SNCAIP: variants seen among roughly 807,000 people sequenced by gnomAD.
SNCAIP encodes synuclein alpha interacting protein, also known as synphilin-1.
In SNCAIP, 43 loss-of-function variants were observed where a neutral mutation model predicts 86.7. That is an observed-to-expected ratio of 0.50 (90% CI 0.39 to 0.64). The LOEUF (loss-of-function observed/expected upper bound fraction) is 0.64. Ranked by LOEUF, SNCAIP falls within the 30% of genes least tolerant of loss-of-function variation. SNCAIP has a pLI of 0.00. For missense variants in SNCAIP, 981 were observed against 1,103.1 expected, an observed-to-expected ratio of 0.89 and a Z score of 1.57; for synonymous variants, 417 against 427.2, an observed-to-expected ratio of 0.98 and a Z score of 0.29.
intron 2 of SNCAIP, among the ~76,000 whole-genome samples, chr5:122,391,948 T>C (rs1334811560): frequency 6.6e-6 from 1 of 152,302 alleles, no homozygotes; most frequent in Middle Eastern, 3.4e-3. Flanking sequence ...TCAGAGTATG[T>C]GATGAGAAGG....
chr5:122,312,417 T>A (rs1750768667), intron 1 of SNCAIP, 133 bp downstream of exon 1: 1 of 152,228 alleles, frequency 6.6e-6, no homozygotes, highest in South Asian at 2.1e-4. Context: ...GACCCCTTTG[T>A]GCCGCGAGTC....
At chr5:122,393,319 G>A (rs986679069) in intron 2 of SNCAIP, among the ~76,000 whole-genome samples, 4 of 152,076 alleles carry the variant, frequency 2.6e-5, no homozygotes, top group Non-Finnish European at 4.4e-5. Context: ...CATGGGACAG[G>A]CATTATCTTG....
rs147595731 is a variant in SNCAIP at position 122,462,031 on chromosome 5, T to C, written c.2755-1460T>C. Among the ~76,000 whole-genome samples the C allele has an allele frequency of 2.5e-3, 375 of 152,350 alleles. 2 individuals carry two copies. The highest frequency in any genetic ancestry group is 8.5e-3 in the African/African-American group (354 of 41,588). On this transcript the variant is annotated intron_variant, in intron 10 of 10. Transcript: ENST00000261368. Reference sequence around the variant, plus strand: ...TGCAGTCAAATACAAATGCGTATCTTTATCTTCCTTTTTACAATAAAGGTG... The same window carrying C: ...TGCAGTCAAATACAAATGCGTATCTCTATCTTCCTTTTTACAATAAAGGTG...
chr5:122,384,547 A>G (rs1041612786), intron 1 of SNCAIP, among the ~76,000 whole-genome samples: 7 of 152,218 alleles, frequency 4.6e-5, no homozygotes, highest in Admixed American at 2.0e-4. Context: ...TTATCTCCAC[A>G]AAAGAAATTA....
rs3811889 is a variant in SNCAIP at position 122,435,266 on chromosome 5, G to A, written c.1296+3184G>A. Among the ~76,000 whole-genome samples the A allele has an allele frequency of 6.8e-4, 103 of 152,292 alleles. 2 individuals are homozygous for A. The East Asian group carries it at 0.019, about 28-fold the overall frequency. ...AAAAAGCAGGGAGTGTCCTCGGATA[G>A]GCCTGCTTTGCTGGCCCTTGAGAAA... On this transcript the variant is annotated intron_variant, in intron 6 of 10. Transcript: ENST00000261368.
intron 1 of SNCAIP, among the ~76,000 whole-genome samples, chr5:122,341,205 G>C (rs1757511309): frequency 6.6e-6 from 1 of 152,174 alleles, no homozygotes; most frequent in Admixed American, 6.5e-5. Context: ...CGTTTTTAAA[G>C]TGTTGAAAGA....
chr5:122,444,969 G>T (rs1049365980), intron 8 of SNCAIP: 3 of 540,190 alleles, frequency 5.6e-6, no homozygotes, highest in Admixed American at 5.8e-5. Flanking sequence ...TCCCAAAGCA[G>T]GGAATTTAAG....
At chr5:122,403,978 C>G in intron 3 of SNCAIP, 113 bp downstream of exon 3, 1 of 790,330 alleles carries the variant, frequency 1.3e-6, no homozygotes, top group Non-Finnish European at 2.2e-6. Context: ...TTTCTCTTTA[C>G]GGCTTCTCCA....
intron 1 of SNCAIP, among the ~76,000 whole-genome samples, chr5:122,336,590 G>C (rs1756510484): frequency 6.6e-6 from 1 of 152,162 alleles, no homozygotes; most frequent in African/African-American, 2.4e-5. Context: ...AAAAAGGCAA[G>C]GTGTTTTCTT....
chr5:122,376,840 G>A (rs992166445), intron 1 of SNCAIP, among the ~76,000 whole-genome samples: 2 of 152,138 alleles, frequency 1.3e-5, no homozygotes, highest in South Asian at 4.1e-4. Context: ...GGACTGTCCT[G>A]AGGACCTGGT....
intron 1 of SNCAIP, among the ~76,000 whole-genome samples, chr5:122,377,686 C>T (rs1343366717): frequency 6.0e-5 from 7 of 117,492 alleles, no homozygotes; most frequent in African/African-American, 1.9e-4. Context: ...CTATCCCTCC[C>T]CCCTCCCCCC....
chr5:122,340,111 A>G (rs1757264073), intron 1 of SNCAIP, among the ~76,000 whole-genome samples: 1 of 152,238 alleles, frequency 6.6e-6, no homozygotes, highest in Non-Finnish European at 1.5e-5. Flanking sequence ...TTAGAATAAG[A>G]CATTATACAA....
intron 1 of SNCAIP, among the ~76,000 whole-genome samples, chr5:122,335,290 T>A (rs1298232779): frequency 6.6e-6 from 1 of 152,230 alleles, no homozygotes. Flanking sequence ...TAAGGATTTG[T>A]CTTGACAGTG....
chr5:122,401,217 G>C (rs894746434), intron 2 of SNCAIP: 15 of 1,293,848 alleles, frequency 1.2e-5, no homozygotes, highest in African/African-American at 4.5e-5. Context: ...TCAGCTCCCA[G>C]ATGGTAGCAC....
chr5:122,333,823 T>C (rs532319444), intron 1 of SNCAIP, among the ~76,000 whole-genome samples: 1 of 152,312 alleles, frequency 6.6e-6, no homozygotes, highest in South Asian at 2.1e-4. Flanking sequence ...AGATTATTAA[T>C]TGCAATAGAC....
intron 1 of SNCAIP, among the ~76,000 whole-genome samples, chr5:122,353,600 G>A (rs1365965830): frequency 1.3e-5 from 2 of 152,188 alleles, no homozygotes; most frequent in East Asian, 1.9e-4. Flanking sequence ...GGTCTTTCTT[G>A]TGCTATTCTC....
chr5:122,364,365 C>G (rs796976931), intron 1 of SNCAIP, among the ~76,000 whole-genome samples: 1 of 152,132 alleles, frequency 6.6e-6, no homozygotes, highest in African/African-American at 2.4e-5. Context: ...ATGGACTCAC[C>G]CTGAATTCTT....
intron 10 of SNCAIP, among the ~76,000 whole-genome samples, chr5:122,458,851 G>A (rs1246663894): frequency 6.6e-6 from 1 of 152,206 alleles, no homozygotes; most frequent in East Asian, 1.9e-4. Context: ...AGAGCTTCAT[G>A]AAAATAGTAA....
At chr5:122,450,262 G>T (rs1783436354) in intron 9 of SNCAIP, among the ~76,000 whole-genome samples, 1 of 152,110 alleles carries the variant, frequency 6.6e-6, no homozygotes, top group Admixed American at 6.6e-5. Flanking sequence ...TGTTGAAAAT[G>T]GAATTAACTG....
Sources: gnomAD v4.1 joint callset for allele counts (sites outside exome capture counted in the v4.1 genomes callset) on GRCh38, gnomAD v4.1.1 for gene constraint, MANE v1.5 for transcripts, NCBI Gene and HGNC (gene_info 2026-07-23, HGNC 2026-07-21) for gene names.